The following SH3KBP1 variants were observed in gnomAD, a reference collection of about 807,000 sequenced individuals.
SH3KBP1 encodes SH3 domain containing kinase binding protein 1.
A neutral mutation model predicts 50.1 loss-of-function variants in SH3KBP1; 8 were observed. The observed-to-expected ratio is 0.16, with a 90% CI of 0.09 to 0.29. The LOEUF is 0.29. Ranked by LOEUF, SH3KBP1 falls within the 10% of genes least tolerant of loss-of-function variation. The probability of loss-of-function intolerance (pLI) is 1.00; values close to 1 mark genes in which losing one functional copy is unlikely to be tolerated. For missense variants in SH3KBP1, 377 were observed against 535.2 expected, an observed-to-expected ratio of 0.70 and a Z score of 2.92; for synonymous variants, 227 against 218.6, an observed-to-expected ratio of 1.04 and a Z score of -0.34.
chrX:19,691,354 C>CTATATATATA (rs1173101409), intron 5 of SH3KBP1, among the ~76,000 whole-genome samples: 1 of 81,539 alleles, frequency 1.2e-5, no homozygotes, highest in African/African-American at 5.3e-5. Flanking sequence ...CTCTCTCTCT[C>CTATATATATA]TCTATATATA....
At chrX:19,771,130 G>A (rs1330535765) in intron 2 of SH3KBP1, among the ~76,000 whole-genome samples, 2 of 111,724 alleles carry the variant, frequency 1.8e-5, no homozygotes, top group Non-Finnish European at 3.8e-5. Context: ...TTGGCAATAT[G>A]GATTATAGGC....
intron 16 of SH3KBP1, among the ~76,000 whole-genome samples, chrX:19,540,376 A>G (rs1005185564): frequency 1.8e-5 from 2 of 111,246 alleles, no homozygotes; most frequent in African/African-American, 6.5e-5. Context: ...AGCGAATTCC[A>G]TGGAACCCTC....
chrX:19,816,046 G>A (rs2067345217), intron 2 of SH3KBP1, among the ~76,000 whole-genome samples: 1 of 111,972 alleles, frequency 8.9e-6, no homozygotes, highest in Non-Finnish European at 1.9e-5. Flanking sequence ...GCATCCTATG[G>A]GAAGCACATA....
At chrX:19,733,422 ATAT>A (rs2064438021) in intron 3 of SH3KBP1, among the ~76,000 whole-genome samples, 1 of 110,322 alleles carries the variant, frequency 9.1e-6, no homozygotes, top group Admixed American at 9.7e-5. Flanking sequence ...ATATATAATA[ATAT>A]TATATGATAA....
chrX:19,551,271 C>T (rs1290050021), intron 13 of SH3KBP1, among the ~76,000 whole-genome samples: 5 of 111,213 alleles, frequency 4.5e-5, no homozygotes, highest in Admixed American at 2.9e-4. Flanking sequence ...GTTAACCATC[C>T]GCAGAGATGG....
At chrX:19,761,951 C>T (rs2065445792) in intron 2 of SH3KBP1, among the ~76,000 whole-genome samples, 1 of 112,778 alleles carries the variant, frequency 8.9e-6, no homozygotes, top group Admixed American at 9.3e-5. Flanking sequence ...GAGCTTTGCC[C>T]CTCTTCCTCA....
At chrX:19,595,318 G>A (rs1001954002) in intron 9 of SH3KBP1, among the ~76,000 whole-genome samples, 13 of 112,578 alleles carry the variant, frequency 1.2e-4, no homozygotes, top group African/African-American at 3.5e-4. Context: ...GTACTCCTAC[G>A]CTGAAGCTGC....
intron 7 of SH3KBP1, 66 bp downstream of exon 7, chrX:19,645,334 A>G: frequency 1.1e-6 from 1 of 884,877 alleles, no homozygotes; most frequent in Non-Finnish European, 1.6e-6. Context: ...TTTCTAAAAA[A>G]CATTTCTGTT....
chrX:19,592,465 T>C (rs1460924636), intron 10 of SH3KBP1, among the ~76,000 whole-genome samples: 1 of 112,003 alleles, frequency 8.9e-6, no homozygotes, highest in Non-Finnish European at 1.9e-5. Context: ...GGAGAATGTG[T>C]ATAAATAAAT....
In SH3KBP1 at chrX:19,554,289, T is replaced by TATA. The variant is rs1216718718; in HGVS notation, c.1385-4209_1385-4207dup. 4.6e-5 allele frequency among the ~76,000 whole-genome samples: 4 copies of TATA among 87,232 alleles called. 1 individual carries two copies. Among genetic ancestry groups the TATA allele is most frequent in the Non-Finnish European group, 6.2e-5 (3 of 48,236 alleles). The allele number at this position is 87,232 out of a possible 115,157, so 75.8% of individuals were successfully genotyped here. On this transcript the variant is annotated intron_variant, in intron 13 of 17. Coordinates refer to ENST00000397821, the MANE Select transcript of SH3KBP1 (RefSeq NM_031892.3). ...TATTAAAATATATATCATATTAAAA[T>TATA]ATATTATATATCATATTAAAATATA...
chrX:19,537,774 C>T lies in SH3KBP1; in HGVS notation c.1899G>A (p.Glu633=). The T allele has an allele frequency of 8.3e-7, 1 of 1,209,583 alleles. No individual in the cohort carries two copies. Among genetic ancestry groups the T allele is most frequent in the Non-Finnish European group, 1.1e-6 (1 of 893,702 alleles). ...CCAACTCAGACAATAACTGTTTAAT[C>T]TCTCGTCTGAAAAGCAAATGGCAAT... is the stretch of plus-strand genomic sequence containing the variant. ...IETMKDQQKR[E]IKQLLSELDE... The change falls in exon 17 of 18, where the codon GAG becomes GAA. Residue 633 remains glutamate (E), a synonymous_variant. Transcript: ENST00000397821.
Position 19,537,778 on chromosome X carries a change from C to T in SH3KBP1, c.1895G>A (p.Arg632Gln), listed in dbSNP as rs2049409158. ...IIETMKDQQK[R>Q]EIKQLLSELD... is the part of the protein sequence containing the mutation. ...CTCAGACAATAACTGTTTAATCTCTCGTCTGAAAAGCAAATGGCAATGAAA... is the reference window on the plus strand; with the variant it reads ...CTCAGACAATAACTGTTTAATCTCTTGTCTGAAAAGCAAATGGCAATGAAA... Residue 632 changes from arginine to glutamine, a missense_variant and splice_region_variant, in exon 17 of 18, where the codon CGA (arginine) becomes CAA (glutamine). This residue lies in a region of SH3KBP1 where 110 missense variants were observed against 124.1 expected (regional missense o/e 0.89). Coordinates refer to ENST00000397821, the MANE Select transcript of SH3KBP1 (RefSeq NM_031892.3). 2.5e-6 allele frequency: 3 copies of T among 1,208,080 alleles called. No homozygotes were observed. Among genetic ancestry groups the T allele is most frequent in the Non-Finnish European group, 3.4e-6 (3 of 892,678 alleles).
intron 2 of SH3KBP1, among the ~76,000 whole-genome samples, chrX:19,794,762 G>A (rs924941612): frequency 3.4e-4 from 38 of 111,828 alleles, no homozygotes; most frequent in Admixed American, 1.1e-3. Flanking sequence ...CTGCCTCACA[G>A]CCTTGTAGTG....
intron 3 of SH3KBP1, among the ~76,000 whole-genome samples, chrX:19,713,546 GTCATCACACCTA>G (rs2063829260): frequency 9.3e-6 from 1 of 107,025 alleles, no homozygotes; most frequent in South Asian, 4.0e-4. Context: ...ACAAGAGTGA[GTCATCACACCTA>G]GCCAAAAAAA....
intron 2 of SH3KBP1, among the ~76,000 whole-genome samples, chrX:19,796,377 G>A (rs1368548252): frequency 8.9e-6 from 1 of 111,949 alleles, no homozygotes; most frequent in Non-Finnish European, 1.9e-5. Flanking sequence ...TTGGTGTAAG[G>A]TGTCAGTGAG....
intron 3 of SH3KBP1, among the ~76,000 whole-genome samples, chrX:19,720,884 G>GT (rs774422959): frequency 8.6e-4 from 96 of 111,110 alleles, no homozygotes; most frequent in African/African-American, 2.9e-3. Context: ...GTGTGTGTGG[G>GT]TTGTGGGGGT....
At chrX:19,730,672 C>T (rs1196099346) in intron 3 of SH3KBP1, among the ~76,000 whole-genome samples, 2 of 111,705 alleles carry the variant, frequency 1.8e-5, no homozygotes, top group East Asian at 5.6e-4. Flanking sequence ...AAATTGAAAT[C>T]TTAGAACAAT....
At chrX:19,624,821 C>A (rs2067963161) in intron 8 of SH3KBP1, among the ~76,000 whole-genome samples, 1 of 112,426 alleles carries the variant, frequency 8.9e-6, no homozygotes. Flanking sequence ...CATTCTATGA[C>A]ATCAATGACT....
chrX:19,696,935 G>C (rs1234990264), intron 4 of SH3KBP1, among the ~76,000 whole-genome samples: 1 of 111,720 alleles, frequency 9.0e-6, no homozygotes, highest in East Asian at 2.8e-4. Context: ...TTTGAATTTT[G>C]ATCTTTTTCT....
Sources: gnomAD v4.1 joint callset for allele counts (sites outside exome capture counted in the v4.1 genomes callset) on GRCh38, gnomAD v4.1.1 for gene constraint, gnomAD v4.1.1 regional missense constraint, MANE v1.5 for transcripts, NCBI Gene and HGNC (gene_info 2026-07-23, HGNC 2026-07-21) for gene names.